Variants in TMCO5A observed in about 807,000 individuals in gnomAD.
The protein encoded by TMCO5A is transmembrane and coiled-coil domain-containing protein 5A.
A neutral mutation model predicts 42.3 loss-of-function variants in TMCO5A; 34 were observed. The observed-to-expected ratio is 0.80, with a 90% confidence interval of 0.61 to 1.07. The LOEUF is 1.07. Ranked by LOEUF, TMCO5A falls within the 50% of genes least tolerant of loss-of-function variation. The pLI is 0.00. For missense variants in TMCO5A, 357 were observed against 327.9 expected (o/e 1.09, Z -0.69); for synonymous variants, 131 against 115.6 (o/e 1.13, Z -0.86).
At chr15:38,030,261 C>G in the TMCO5A span, among the ~76,000 whole-genome samples, 1 of 152,282 alleles carries the variant, frequency 6.6e-6, no homozygotes, top group African/African-American at 2.4e-5. Context: ...CGTTCTATCC[C>G]TGTCTAACAA....
the TMCO5A span, among the ~76,000 whole-genome samples, chr15:38,025,784 C>T: frequency 6.6e-6 from 1 of 152,188 alleles, no homozygotes; most frequent in African/African-American, 2.4e-5. Context: ...ATAATTTCCA[C>T]ATGTTGTGGG....
At chr15:38,035,655 T>A in the TMCO5A span, among the ~76,000 whole-genome samples, 11 of 152,156 alleles carry the variant, frequency 7.2e-5, no homozygotes, top group Non-Finnish European at 1.6e-4. Context: ...TGCCTTAAGA[T>A]TGACCACCCA....
At chr15:38,010,480 G>C in the TMCO5A span, among the ~76,000 whole-genome samples, 1 of 148,360 alleles carries the variant, frequency 6.7e-6, no homozygotes, top group African/African-American at 2.5e-5. Context: ...GTGAAGATGG[G>C]GGTAGACAGA....
chr15:37,994,947 A>C, the TMCO5A span, among the ~76,000 whole-genome samples: 2 of 152,180 alleles, frequency 1.3e-5, no homozygotes, highest in Non-Finnish European at 2.9e-5. Flanking sequence ...CCAGATTTCT[A>C]CAATTTCAGA....
chr15:38,017,723 C>T, the TMCO5A span, among the ~76,000 whole-genome samples: 2 of 151,972 alleles, frequency 1.3e-5, no homozygotes, highest in South Asian at 2.1e-4. Flanking sequence ...CAGAGGGCAC[C>T]GCAGGCAGTC....
chr15:38,035,028 A>G, the TMCO5A span, among the ~76,000 whole-genome samples: 3 of 152,114 alleles, frequency 2.0e-5, no homozygotes, highest in Admixed American at 1.3e-4. Flanking sequence ...ACACATCCCA[A>G]GGTGTGAGAG....
the TMCO5A span, among the ~76,000 whole-genome samples, chr15:37,981,221 A>C: frequency 6.6e-6 from 1 of 151,510 alleles, no homozygotes; most frequent in Non-Finnish European, 1.5e-5. Flanking sequence ...AAAAAAAAAA[A>C]AAAACTGGTC....
At chr15:37,955,282 A>T (rs1048732157), downstream of TMCO5A, among the ~76,000 whole-genome samples, 14 of 151,592 alleles carry the variant, frequency 9.2e-5, no homozygotes, top group African/African-American at 3.1e-4. Flanking sequence ...AAAACTTAAC[A>T]AGATTGAACC....
At chr15:37,976,389 A>G in the TMCO5A span, among the ~76,000 whole-genome samples, 1 of 151,402 alleles carries the variant, frequency 6.6e-6, no homozygotes, top group African/African-American at 2.4e-5. Context: ...TGTCTTGGGG[A>G]TAGTCATCTT....
chr15:37,973,387 G>C, the TMCO5A span, among the ~76,000 whole-genome samples: 3 of 152,046 alleles, frequency 2.0e-5, no homozygotes, highest in African/African-American at 7.2e-5. Context: ...TGGTCAGTAT[G>C]GCCATTTTAA....
At chr15:37,953,696 C>T (rs1890216466), downstream of TMCO5A, among the ~76,000 whole-genome samples, 1 of 152,022 alleles carries the variant, frequency 6.6e-6, no homozygotes. Flanking sequence ...TCCAGGAAAA[C>T]ATGACCTCAC....
chr15:38,011,294 A>T, the TMCO5A span, among the ~76,000 whole-genome samples: 5 of 152,158 alleles, frequency 3.3e-5, no homozygotes, highest in African/African-American at 1.2e-4. Context: ...AATCTTGCTG[A>T]GTGTGGACAG....
At chr15:38,006,619 A>C in the TMCO5A span, among the ~76,000 whole-genome samples, 1 of 152,230 alleles carries the variant, frequency 6.6e-6, no homozygotes, top group Non-Finnish European at 1.5e-5. Flanking sequence ...TGATATTTAA[A>C]GATGTGACCT....
At chr15:37,978,789 A>G in the TMCO5A span, among the ~76,000 whole-genome samples, 2 of 151,438 alleles carry the variant, frequency 1.3e-5, no homozygotes, top group South Asian at 2.1e-4. Flanking sequence ...GGTAATTTAT[A>G]AAGAAAAGAG....
chr15:37,936,020 G>A (rs114388720), intron 2 of TMCO5A: 100 of 218,140 alleles, frequency 4.6e-4, no homozygotes, highest in African/African-American at 1.6e-3. Context: ...TCTCCCCAGC[G>A]CAAGGGGTTA....
At position 37,943,341 on chromosome 15, in the gene TMCO5A, A is replaced by G; in HGVS notation, c.570A>G (p.Val190=). The change falls in exon 10 of 12, where the codon GTA becomes GTG. Residue 190 remains valine, a splice_region_variant and synonymous_variant. Coordinates refer to ENST00000319669, the MANE Select transcript of TMCO5A (RefSeq NM_152453.4). ...ELEALFLERE[V]SKLVSMNPVE... is the part of the protein sequence containing the mutation. ...TCTGTCCTGGCTGTTATCTTCATAG[A>G]TCAAAACTCGTGAGCATGAACCCTG... is the stretch of plus-strand genomic sequence containing the variant. 6.2e-7 allele frequency: 1 copy of G among 1,612,238 alleles called. No homozygotes were observed. The highest frequency in any genetic ancestry group is 8.5e-7 in the Non-Finnish European group (1 of 1,179,036).
the TMCO5A span, among the ~76,000 whole-genome samples, chr15:38,001,343 T>G: frequency 6.6e-6 from 1 of 152,032 alleles, no homozygotes; most frequent in Non-Finnish European, 1.5e-5. Context: ...CATTTTCATT[T>G]GCATAGAATA....
chr15:37,996,336 A>G, the TMCO5A span, among the ~76,000 whole-genome samples: 1 of 152,182 alleles, frequency 6.6e-6, no homozygotes, highest in African/African-American at 2.4e-5. Flanking sequence ...AGATGGGAGC[A>G]CCAGACATTT....
chr15:37,969,518 G>A (rs551273094), downstream of TMCO5A, among the ~76,000 whole-genome samples: 1 of 152,232 alleles, frequency 6.6e-6, no homozygotes, highest in South Asian at 2.1e-4. Flanking sequence ...TGCCTTGAGG[G>A]TTTCCAATAA....
Sources: gnomAD v4.1 joint callset for allele counts (sites outside exome capture counted in the v4.1 genomes callset) on GRCh38, gnomAD v4.1.1 for gene constraint, MANE v1.5 for transcripts, NCBI Gene and HGNC (gene_info 2026-07-23, HGNC 2026-07-21) for gene names.